Variants in FBXO7 observed in about 807,000 individuals in gnomAD.
The protein encoded by FBXO7 is F-box only protein 7.
In FBXO7, 31 loss-of-function variants were observed where a neutral mutation model predicts 50.2. The observed-to-expected ratio is 0.62, with a 90% CI of 0.46 to 0.83. The LOEUF (loss-of-function observed/expected upper bound fraction) is 0.83, where lower values mean the gene tolerates loss of function less well. FBXO7 is among the 40% of genes least tolerant of loss of function. The probability of loss-of-function intolerance (pLI) is 0.00; values close to 1 mark genes in which losing one functional copy is unlikely to be tolerated. For missense variants in FBXO7, 667 were observed against 646.6 expected (o/e 1.03, Z -0.34); for synonymous variants, 256 against 253.1 (o/e 1.01, Z -0.11).
chr22:32,485,633 G>T (rs746096463), intron 4 of FBXO7, among the ~76,000 whole-genome samples: 27 of 152,128 alleles, frequency 1.8e-4, no homozygotes, highest in Middle Eastern at 3.4e-3. Context: ...TAGACCTGGG[G>T]TCACCATTTA....
chr22:32,484,731 G>A (rs536660388), intron 3 of FBXO7, among the ~76,000 whole-genome samples: 6 of 152,262 alleles, frequency 3.9e-5, no homozygotes, highest in African/African-American at 9.6e-5. Flanking sequence ...AAGGCTTTAC[G>A]GAGGAAGTGA....
chr22:32,476,254 TAGTA>T lies in FBXO7; in HGVS notation c.122+1134_122+1137del, dbSNP rs148632507. On this transcript the variant is annotated intron_variant, in intron 1 of 8. Transcript: ENST00000266087. ...CTGACATAACTCCTTTTAAACATTA[TAGTA>T]AGTGACATGCCTACTGTTATTTCTT... 9.7e-3 allele frequency among the ~76,000 whole-genome samples: 1,482 copies of T among 152,188 alleles called. 24 individuals are homozygous for T. Among genetic ancestry groups the T allele is most frequent in the African/African-American group, 0.033 (1,377 of 41,510 alleles).
chr22:32,480,496 C>T (rs111591392), intron 2 of FBXO7, among the ~76,000 whole-genome samples: 7 of 152,056 alleles, frequency 4.6e-5, no homozygotes, highest in African/African-American at 1.7e-4. Flanking sequence ...ACTTTTGTGA[C>T]TTTGCTCTTG....
intron 2 of FBXO7, 52 bp from the exon 3 acceptor site, chr22:32,483,845 T>C (rs1394800408): frequency 2.0e-6 from 3 of 1,514,644 alleles, no homozygotes; most frequent in Admixed American, 3.4e-5. Context: ...CAAAAATGTA[T>C]AGTGTAAAAA....
Position 32,483,902 on chromosome 22 carries a change from G to C in FBXO7, c.423G>C (p.Gly141=). ...GTTTTGTTTTCCTTTTTCAGTTAGGGCCTAGTCAAAATTTTGAAGCTGAGT... is the reference window on the plus strand; with the variant it reads ...GTTTTGTTTTCCTTTTTCAGTTAGGCCCTAGTCAAAATTTTGAAGCTGAGT... ...SGVWNDDSML[G]PSQNFEAESI... The change falls in exon 3 of 9, where the codon GGG becomes GGC. Residue 141 remains glycine (G), a synonymous_variant. Transcript: ENST00000266087. 6.2e-7 allele frequency: 1 copy of C among 1,613,800 alleles called. No individual in the cohort carries two copies. Among genetic ancestry groups the C allele is most frequent in the Non-Finnish European group, 8.5e-7 (1 of 1,179,770 alleles).
Position 32,498,275 on chromosome 22 carries a change from C to T in FBXO7, c.1314C>T (p.Arg438=), listed in dbSNP as rs750914176. ...ACCCTAGGCCATTTCCTAGCTCCCG[C>T]CTTCCTCCAGGAATTATCGGGGGTG... ...PLHPRPFPSS[R]LPPGIIGGEY... The change falls in exon 9 of 9, where the codon CGC becomes CGT. Residue 438 remains arginine, a synonymous_variant. Transcript: ENST00000266087. 2.5e-6 allele frequency: 4 copies of T among 1,614,092 alleles called. No homozygotes were observed. In the African/African-American group the frequency reaches 4.0e-5, roughly 16 times the overall value.
At position 32,478,795 on chromosome 22, in the gene FBXO7, G is replaced by T; in HGVS notation, c.123-186G>T. Among the ~76,000 whole-genome samples the T allele has an allele frequency of 1.3e-5, 2 of 152,158 alleles. 1 individual carries two copies. The highest frequency in any genetic ancestry group is 1.3e-4 in the Admixed American group (2 of 15,286). ...TACCTGTAATCCCAGCAACCCAGGA[G>T]GCTGAGGCAGGAGGATTGCTTGAGG... On this transcript the variant is annotated intron_variant, in intron 1 of 8. Transcript: ENST00000266087.
At chr22:32,487,332 C>G in intron 4 of FBXO7, 1 of 171,336 alleles carries the variant, frequency 5.8e-6, no homozygotes, top group Non-Finnish European at 1.3e-5. Context: ...GCTGTGAAAA[C>G]TAGCAAGATT....
intron 2 of FBXO7, among the ~76,000 whole-genome samples, chr22:32,482,653 C>T (rs765152665): frequency 2.0e-5 from 3 of 152,044 alleles, no homozygotes; most frequent in South Asian, 2.1e-4. Context: ...TATAAAAAGG[C>T]GATACCTGCC....
intron 1 of FBXO7, among the ~76,000 whole-genome samples, chr22:32,477,433 CTG>C (rs2145986740): frequency 6.6e-6 from 1 of 152,290 alleles, no homozygotes; most frequent in South Asian, 2.1e-4. Flanking sequence ...TTCCTCACCA[CTG>C]TGTGATGAAA....
Position 32,491,164 on chromosome 22 carries a change from T to C in FBXO7, c.950T>C (p.Leu317Pro), listed in dbSNP as rs2057532748. The C allele has an allele frequency of 1.2e-6, 2 of 1,608,704 alleles. No homozygotes were observed. The highest frequency in any genetic ancestry group is 1.1e-5 in the South Asian group (1 of 90,946). The change falls in exon 6 of 9, where the codon CTG (leucine) becomes CCG (proline). Residue 317 changes from leucine to proline, a missense_variant. Transcript: ENST00000266087. ...LFKDQLVYPL[L>P]AFTRQALNLP... ...AAAGACCAGCTGGTGTATCCTCTTC[T>C]GGCTTTTACCCGACAAGGTAAGAGA...
rs1005781283 is a variant in FBXO7, at chr22:32,498,611, C to G, written c.*81C>G. 2 of 1,479,620 alleles carry G rather than the reference C, an allele frequency of 1.4e-6. No individual in the cohort carries two copies. Among genetic ancestry groups the G allele is most frequent in the Non-Finnish European group, 1.8e-6 (2 of 1,091,424 alleles). 91.7% of individuals were successfully genotyped at this position (1,479,620 alleles called of 1,614,324 possible). A position where few individuals can be genotyped will look rare whatever the true frequency, so the allele number is the denominator to read the frequency against. On this transcript the variant is annotated 3_prime_UTR_variant, in exon 9 of 9. Transcript: ENST00000266087. ...TGTCAACTCCTTGGGGTGCTGATCT[C>G]GAGTGTTATTTTCTGATTGTGGTGT...
chr22:32,498,225 A>T lies in FBXO7; in HGVS notation c.1264A>T (p.Ile422Phe), dbSNP rs1555884880. 20 of 1,614,214 alleles carry T rather than the reference A, an allele frequency of 1.2e-5. No homozygotes were observed. The highest frequency in any genetic ancestry group is 2.5e-6 in the Non-Finnish European group (3 of 1,180,034). Residue 422 changes from isoleucine to phenylalanine, a missense_variant, in exon 9 of 9, where the codon ATT becomes TTT. Coordinates refer to ENST00000266087, the MANE Select transcript of FBXO7 (RefSeq NM_012179.4). ...VMLLPSSTHT[I>F]PFYPNPLHPR... The stretch of plus-strand genomic sequence containing the variant: ...GCTCCTGCCATCGTCAACTCACACC[A>T]TTCCATTCTATCCCAACCCCTTGCA...
At chr22:32,475,309 G>A (rs2057419603) in intron 1 of FBXO7, 185 bp downstream of exon 1, 1 of 1,607,304 alleles carries the variant, frequency 6.2e-7, no homozygotes, top group Non-Finnish European at 8.5e-7. Context: ...GAGCCGGAGG[G>A]TGCAGGCGAC....
intron 8 of FBXO7, 82 bp from the exon 9 acceptor site, chr22:32,498,062 A>G: frequency 2.7e-6 from 4 of 1,456,890 alleles, no homozygotes; most frequent in Non-Finnish European, 3.8e-6. Context: ...ATAGATCTTT[A>G]CTATGAAAGC....
intron 6 of FBXO7, chr22:32,491,757 T>C (rs1188181194): frequency 1.3e-5 from 2 of 152,174 alleles, no homozygotes; most frequent in Non-Finnish European, 2.9e-5. Context: ...AAGTAAATTA[T>C]GTGGTACTTA....
chr22:32,479,401 CTTT>C (rs5845002), intron 2 of FBXO7, 126 bp downstream of exon 2: 2,073 of 568,832 alleles, frequency 3.6e-3, no homozygotes, highest in East Asian at 6.7e-3. Flanking sequence ...ATATTTTTTT[CTTT>C]TTTTTTTTTT....
At chr22:32,479,360 A>G in intron 2 of FBXO7, 85 bp downstream of exon 2, 1 of 1,298,094 alleles carries the variant, frequency 7.7e-7, no homozygotes, top group Non-Finnish European at 1.1e-6. Flanking sequence ...CAGTCAGGAT[A>G]ATTATCATCG....
chr22:32,479,082 G>A lies in FBXO7; in HGVS notation c.224G>A (p.Cys75Tyr). 6.2e-7 allele frequency: 1 copy of A among 1,614,136 alleles called. No individual in the cohort carries two copies. The highest frequency in any genetic ancestry group is 8.5e-7 in the Non-Finnish European group (1 of 1,180,026). ...GGGATTGTTTCTGGGGACTTGATAT[G>A]TTTGATTCTTCAAGATGACATTCCA... is the stretch of plus-strand genomic sequence containing the variant. The part of the protein sequence containing the change: ...SYGIVSGDLI[C>Y]LILQDDIPAP... The change falls in exon 2 of 9, where the codon TGT (cysteine) becomes TAT (tyrosine). Residue 75 changes from cysteine (C) to tyrosine (Y), a missense_variant. By Grantham distance (194) the Cys-to-Tyr change is radical (BLOSUM62 -2). Transcript: ENST00000266087.
Sources: gnomAD v4.1 joint callset for allele counts (sites outside exome capture counted in the v4.1 genomes callset) on GRCh38, gnomAD v4.1.1 for gene constraint, MANE v1.5 for transcripts, NCBI Gene and HGNC (gene_info 2026-07-23, HGNC 2026-07-21) for gene names.